ACTN4: variants seen among roughly 807,000 people sequenced by gnomAD.
ACTN4 encodes actinin alpha 4.
Under a neutral mutation model 114.2 loss-of-function variants are expected in ACTN4, and 18 were observed. The observed-to-expected ratio is 0.16, with a 90% CI of 0.11 to 0.23. The LOEUF is 0.23. Among genes scored for constraint, ACTN4 ranks in the 10% least tolerant of loss-of-function variants. The pLI, the probability that ACTN4 is intolerant of heterozygous loss-of-function variation, is 1.00. For missense variants in ACTN4, 722 were observed against 1,262.9 expected (o/e 0.57, Z 6.49); for synonymous variants, 515 against 506.3 (o/e 1.02, Z -0.23).
intron 3 of ACTN4, among the ~76,000 whole-genome samples, chr19:38,704,332 T>G (rs1413333327): frequency 6.6e-6 from 1 of 152,136 alleles, no homozygotes; most frequent in Non-Finnish European, 1.5e-5. Context: ...CTCGCTGCTG[T>G]GTCGATGTGG....
intron 1 of ACTN4, among the ~76,000 whole-genome samples, chr19:38,661,936 G>A (rs1976900643): frequency 6.6e-6 from 1 of 152,184 alleles, no homozygotes; most frequent in Non-Finnish European, 1.5e-5. Context: ...ACAGGCGTGA[G>A]CCACCGCGCC....
rs1969365885 is a variant in ACTN4 at position 38,728,913 on chromosome 19, C to A, written c.2419-83C>A. The A allele has an allele frequency of 1.9e-6, 3 of 1,569,186 alleles. No individual in the cohort carries two copies. In the African/African-American group the frequency reaches 4.0e-5, roughly 21 times the overall value. On this transcript the variant is annotated intron_variant, in intron 19 of 20. Coordinates refer to ENST00000252699, the MANE Select transcript of ACTN4 (RefSeq NM_004924.6). ...TTGGGCCCTACTCTCTCGGCTGTTTCCCTGGAGACCCCACCAGTGTGGGCC... is the reference window on the plus strand; with the variant it reads ...TTGGGCCCTACTCTCTCGGCTGTTTACCTGGAGACCCCACCAGTGTGGGCC...
chr19:38,687,389 T>G (rs1255993800), intron 1 of ACTN4, among the ~76,000 whole-genome samples: 1 of 152,176 alleles, frequency 6.6e-6, no homozygotes, highest in African/African-American at 2.4e-5. Flanking sequence ...TTGTCAAATG[T>G]CATTGCCCAG....
chr19:38,666,723 A>G (rs372446584), intron 1 of ACTN4, among the ~76,000 whole-genome samples: 4 of 152,170 alleles, frequency 2.6e-5, no homozygotes, highest in African/African-American at 9.7e-5. Context: ...AAACTTGTCA[A>G]CACTTAGAGT....
intron 1 of ACTN4, among the ~76,000 whole-genome samples, chr19:38,696,437 C>G (rs1200112483): frequency 6.6e-6 from 1 of 152,124 alleles, no homozygotes; most frequent in Non-Finnish European, 1.5e-5. Flanking sequence ...GAAACCACCT[C>G]TCCACACCAT....
intron 1 of ACTN4, among the ~76,000 whole-genome samples, chr19:38,652,895 G>A (rs1195951779): frequency 6.6e-6 from 1 of 152,062 alleles, no homozygotes; most frequent in Non-Finnish European, 1.5e-5. Flanking sequence ...AGACCAGCCT[G>A]GCCAACATGG....
chr19:38,715,042 G>A (rs1195808283), intron 9 of ACTN4, among the ~76,000 whole-genome samples: 1 of 152,184 alleles, frequency 6.6e-6, no homozygotes, highest in Non-Finnish European at 1.5e-5. Flanking sequence ...GCCCAGGGAG[G>A]GTCAGGCACG....
Position 38,711,243 on chromosome 19 carries a change from CCT to C in ACTN4, c.819+912_819+913del, listed in dbSNP as rs368912677. ...TCCCTGCGTCTTTCACTCTCTCCTG[CCT>C]CTCTCTCTCTTTCTCTCTCTCTCTG... On this transcript the variant is annotated intron_variant, in intron 8 of 20. Transcript: ENST00000252699. The C allele has an allele frequency of 6.6e-4, 601 of 917,444 alleles. 1 individual carries two copies. Among genetic ancestry groups the C allele is most frequent in the Middle Eastern group, 4.1e-3 (8 of 1,936 alleles). The allele number at this position is 917,444 out of a possible 1,614,324, so 56.8% of individuals were successfully genotyped here.
At chr19:38,712,992 G>A (rs577450246) in intron 8 of ACTN4, among the ~76,000 whole-genome samples, 10 of 152,224 alleles carry the variant, frequency 6.6e-5, no homozygotes, top group Admixed American at 2.6e-4. Context: ...GCTGCAGGGC[G>A]CTGGCTGGTC....
chr19:38,710,739 T>C (rs1968619554), intron 8 of ACTN4: 1 of 340,966 alleles, frequency 2.9e-6, no homozygotes. Context: ...AGTGAGCAGG[T>C]ACTTGCAGCA....
Position 38,647,791 on chromosome 19 carries a change from A to G in ACTN4, c.46A>G (p.Ser16Gly). ...AANQSYQYGPSSAGNGAGGGG... is the reference protein window; with the variant it reads ...AANQSYQYGPGSAGNGAGGGG... ...GAACCAGTCGTACCAGTACGGCCCC[A>G]GCAGCGCGGGCAATGGCGCTGGCGG... Residue 16 changes from serine (S) to glycine (G), a missense_variant, in exon 1 of 21, where the codon AGC (serine) becomes GGC (glycine). Around this residue, in one of 3 missense-constraint regions of ACTN4, gnomAD observed 72 missense variants for 75.6 expected, o/e 0.95. Coordinates refer to ENST00000252699, the MANE Select transcript of ACTN4 (RefSeq NM_004924.6). 6.4e-7 allele frequency: 1 copy of G among 1,556,158 alleles called. No individual in the cohort carries two copies. The highest frequency in any genetic ancestry group is 2.5e-5 in the East Asian group (1 of 39,804).
At chr19:38,667,152 A>G (rs539352463) in intron 1 of ACTN4, among the ~76,000 whole-genome samples, 1 of 152,332 alleles carries the variant, frequency 6.6e-6, no homozygotes, top group African/African-American at 2.4e-5. Context: ...ATGGCTCAGA[A>G]CAGGGGGAGG....
chr19:38,697,243 G>A (rs913495031), intron 1 of ACTN4, among the ~76,000 whole-genome samples: 1 of 152,338 alleles, frequency 6.6e-6, no homozygotes, highest in Non-Finnish European at 1.5e-5. Context: ...GCCTCCACAG[G>A]GTGGGGTGGG....
chr19:38,702,607 A>G (rs532309646), intron 3 of ACTN4, among the ~76,000 whole-genome samples: 5 of 152,292 alleles, frequency 3.3e-5, no homozygotes, highest in African/African-American at 7.2e-5. Context: ...GGAGGTGCAC[A>G]GAATAGATTT....
intron 1 of ACTN4, chr19:38,684,062 G>A (rs1967661908): frequency 6.5e-6 from 1 of 152,938 alleles, no homozygotes; most frequent in Admixed American, 6.5e-5. Context: ...CTTGAGTTTA[G>A]TTTGGGGGTT....
intron 1 of ACTN4, among the ~76,000 whole-genome samples, chr19:38,672,798 C>T (rs1188716831): frequency 6.6e-6 from 1 of 152,058 alleles, no homozygotes; most frequent in East Asian, 1.9e-4. Context: ...GTCTCAAACT[C>T]CTGAACTCAA....
chr19:38,663,931 G>A (rs1318419219), intron 1 of ACTN4, among the ~76,000 whole-genome samples: 2 of 152,230 alleles, frequency 1.3e-5, no homozygotes, highest in Non-Finnish European at 2.9e-5. Flanking sequence ...ATTAGCACAG[G>A]TTTCGACAAA....
intron 1 of ACTN4, among the ~76,000 whole-genome samples, chr19:38,688,519 C>T (rs938248112): frequency 6.6e-6 from 1 of 151,250 alleles, no homozygotes; most frequent in Non-Finnish European, 1.5e-5. Flanking sequence ...TGCATTGAGC[C>T]GAGATCACGC....
At chr19:38,673,566 T>TGAA (rs1967232503) in intron 1 of ACTN4, among the ~76,000 whole-genome samples, 1 of 83,030 alleles carries the variant, frequency 1.2e-5, no homozygotes, top group Non-Finnish European at 2.6e-5. Context: ...CTTATATATA[T>TGAA]TTATATATAT....
Sources: allele counts gnomAD v4.1 joint callset (sites outside exome capture counted in the v4.1 genomes callset), GRCh38; gene constraint gnomAD v4.1.1; regional missense constraint gnomAD v4.1.1; transcripts MANE v1.5; gene names NCBI Gene and HGNC (gene_info 2026-07-23, HGNC 2026-07-21).